The following OR4M1 variants were observed in gnomAD, a reference collection of about 807,000 sequenced individuals.
OR4M1 encodes olfactory receptor family 4 subfamily M member 1, also known as olfactory receptor 4M1.
A neutral mutation model predicts 9.8 loss-of-function variants in OR4M1; 7 were observed. The observed-to-expected ratio is 0.71, with a 90% CI of 0.41 to 1.34. OR4M1 has a LOEUF of 1.34. OR4M1 is among the 40% of genes most tolerant of loss of function. The probability of loss-of-function intolerance (pLI) is 0.01; values close to 1 mark genes in which losing one functional copy is unlikely to be tolerated. For synonymous variants in OR4M1, 121 were observed against 139.8 expected (o/e 0.87, Z 0.95); for missense variants, 331 against 380.4 (o/e 0.87, Z 1.08).
rs58150334 is a variant in OR4M1, at chr14:19,777,049, T to TATATATATATATA, written c.-29-3245_-29-3244insATATATATATATA. Among the ~76,000 whole-genome samples, 39 of 115,692 alleles carry TATATATATATATA rather than the reference T, an allele frequency of 3.4e-4. 1 individual carries two copies. Among genetic ancestry groups the TATATATATATATA allele is most frequent in the Admixed American group, 5.0e-4 (5 of 10,054 alleles). 75.9% of individuals were successfully genotyped at this position (115,692 alleles called of 152,430 possible). A position where few individuals can be genotyped will look rare whatever the true frequency, so the allele number is the denominator to read the frequency against. On this transcript the variant is annotated intron_variant, in intron 1 of 1. Transcript: ENST00000641200. ...ATATATATATATATATATATATATA[T>TATATATATATATA]TGTTTGTTTGTTTTTCCTGTAATGT...
chr14:19,775,166 G>A (rs139805315), intron 1 of OR4M1, among the ~76,000 whole-genome samples: 98 of 152,206 alleles, frequency 6.4e-4, no homozygotes, highest in African/African-American at 2.1e-3. Context: ...GTTTTAACAC[G>A]GCAATTAACC....
chr14:19,777,250 T>C (rs1033214964), intron 1 of OR4M1, among the ~76,000 whole-genome samples: 1 of 144,370 alleles, frequency 6.9e-6, no homozygotes, highest in Non-Finnish European at 1.6e-5. Context: ...TTTGTTCTTA[T>C]GCTTCTACTA....
intron 1 of OR4M1, among the ~76,000 whole-genome samples, chr14:19,774,504 T>C (rs1878253609): frequency 6.6e-6 from 1 of 152,236 alleles, no homozygotes; most frequent in South Asian, 2.1e-4. Flanking sequence ...TTCTGTTATA[T>C]TTTGCAAAAT....
intron 1 of OR4M1, among the ~76,000 whole-genome samples, chr14:19,773,912 G>A (rs1326237799): frequency 2.0e-5 from 3 of 152,230 alleles, no homozygotes; most frequent in Non-Finnish European, 2.9e-5. Context: ...AATAAGCTCA[G>A]AGAAGGCTGT....
At chr14:19,775,744 A>G (rs1370909432) in intron 1 of OR4M1, among the ~76,000 whole-genome samples, 1 of 147,582 alleles carries the variant, frequency 6.8e-6, no homozygotes, top group African/African-American at 2.5e-5. Flanking sequence ...ATTAATGTAT[A>G]TTACTATATA....
chr14:19,780,531 A>G lies in OR4M1; in HGVS notation c.209A>G (p.Asp70Gly), dbSNP rs369070048. 6.6e-5 allele frequency: 107 copies of G among 1,614,148 alleles called. 1 individual carries two copies. In the South Asian group the frequency reaches 1.1e-3, roughly 16 times the overall value. ...YFLLANLALL[D>G]IWYSSITAPK... ...CTGTTGGCTAATCTGGCCCTCCTTG[A>G]TATTTGGTACTCTTCCATTACAGCC... Residue 70 changes from aspartate (D) to glycine (G), a missense_variant, in exon 2 of 2, where the codon GAT becomes GGT. By Grantham distance (94) the Asp-to-Gly change is moderately conservative. Transcript: ENST00000641200.
chr14:19,775,877 G>T (rs1249409820), intron 1 of OR4M1, among the ~76,000 whole-genome samples: 3 of 151,496 alleles, frequency 2.0e-5, no homozygotes, highest in Non-Finnish European at 2.9e-5. Flanking sequence ...ATAATATTGA[G>T]ATCAGCCCTT....
rs1377890237 is a variant in OR4M1, at chr14:19,780,803, G to A, written c.481G>A (p.Ala161Thr). ...GGFIHSIIQV[A>T]LIVRLPFCGP... ...CTTCATTCATTCTATAATACAGGTG[G>A]CTCTCATTGTTCGACTTCCTTTCTG... Residue 161 changes from alanine to threonine, a missense_variant, in exon 2 of 2, where the codon GCT becomes ACT. Physicochemically the swap from Ala to Thr is moderately conservative, Grantham distance 58. This residue lies in a region of OR4M1 where 209 missense variants were observed against 200.0 expected (regional missense o/e 1.04). Transcript: ENST00000641200. 3 of 1,614,216 alleles carry A rather than the reference G, an allele frequency of 1.9e-6. No homozygotes were observed. The highest frequency in any genetic ancestry group is 1.1e-5 in the South Asian group (1 of 91,082).
intron 1 of OR4M1, among the ~76,000 whole-genome samples, chr14:19,774,215 A>G (rs372604862): frequency 6.6e-6 from 1 of 152,390 alleles, no homozygotes; most frequent in African/African-American, 2.4e-5. Context: ...TGAAATATGT[A>G]TTTTAACAAA....
intron 1 of OR4M1, among the ~76,000 whole-genome samples, chr14:19,776,441 T>C (rs1878311338): frequency 1.3e-5 from 2 of 152,236 alleles, no homozygotes; most frequent in Non-Finnish European, 2.9e-5. Flanking sequence ...AGTCACCCTC[T>C]AGGTACTACG....
At position 19,780,490 on chromosome 14, in the gene OR4M1, T is replaced by A; in HGVS notation, c.168T>A (p.Thr56=). ...ICTIRLDPHL[T]SPMYFLLANL... is the part of the protein sequence containing the mutation. The stretch of plus-strand genomic sequence containing the variant: ...CCATCAGGCTAGACCCTCATCTGAC[T>A]TCTCCTATGTATTTCCTGTTGGCTA... Residue 56 remains threonine, a synonymous_variant, in exon 2 of 2, where the codon ACT becomes ACA. Transcript: ENST00000641200. The A allele has an allele frequency of 1.2e-6, 2 of 1,614,126 alleles. No individual in the cohort carries two copies. The highest frequency in any genetic ancestry group is 1.7e-6 in the Non-Finnish European group (2 of 1,180,008).
chr14:19,779,135 G>A (rs1406765960), intron 1 of OR4M1, among the ~76,000 whole-genome samples: 1 of 152,184 alleles, frequency 6.6e-6, no homozygotes, highest in Non-Finnish European at 1.5e-5. Flanking sequence ...AATTGAGTCA[G>A]TAGGTTCCAA....
chr14:19,777,992 C>A (rs1321083200), intron 1 of OR4M1, among the ~76,000 whole-genome samples: 2 of 152,152 alleles, frequency 1.3e-5, no homozygotes, highest in East Asian at 3.9e-4. Context: ...CAAAATATTT[C>A]TTTTCCACTT....
chr14:19,779,375 GT>G (rs1258928496), intron 1 of OR4M1, among the ~76,000 whole-genome samples: 1 of 152,184 alleles, frequency 6.6e-6, no homozygotes, highest in African/African-American at 2.4e-5. Flanking sequence ...TGGTGTGGCA[GT>G]TTTTAACCTT....
intron 1 of OR4M1, among the ~76,000 whole-genome samples, chr14:19,773,941 A>G (rs955762201): frequency 6.6e-6 from 1 of 152,252 alleles, no homozygotes; most frequent in African/African-American, 2.4e-5. Flanking sequence ...ATGGGTCTTC[A>G]GAGCATGACA....
At chr14:19,777,046 A>T (rs1419410440) in intron 1 of OR4M1, among the ~76,000 whole-genome samples, 1 of 121,514 alleles carries the variant, frequency 8.2e-6, no homozygotes, top group Non-Finnish European at 1.7e-5. Flanking sequence ...ATATATATAT[A>T]TATTGTTTGT....
chr14:19,781,381 T>C lies in OR4M1; in HGVS notation c.*117T>C. 9.9e-7 allele frequency: 1 copy of C among 1,014,284 alleles called. No homozygotes were observed. Among genetic ancestry groups the C allele is most frequent in the Non-Finnish European group, 1.4e-6 (1 of 711,458 alleles). The allele number at this position is 1,014,284 out of a possible 1,614,324, so 62.8% of individuals were successfully genotyped here. A position where few individuals can be genotyped will look rare whatever the true frequency, so the allele number is the denominator to read the frequency against. On this transcript the variant is annotated 3_prime_UTR_variant, in exon 2 of 2. Coordinates refer to ENST00000641200, the MANE Select transcript of OR4M1 (RefSeq NM_001005500.2). The stretch of plus-strand genomic sequence containing the variant: ...TTCATTTGTGTTCTTAAAATTTTAC[T>C]ATAATTTTTCTCTATTAATTCCTCT...
rs1022454041 is a variant in OR4M1, at chr14:19,781,165, C to G, written c.843C>G (p.Phe281Leu). 4 of 1,614,060 alleles carry G rather than the reference C, an allele frequency of 2.5e-6. No homozygotes were observed. In the Admixed American group the frequency reaches 5.0e-5, roughly 20 times the overall value. The change falls in exon 2 of 2, where the codon TTC (phenylalanine) becomes TTG (leucine). Residue 281 changes from phenylalanine to leucine, a missense_variant. By Grantham distance (22) the Phe-to-Leu change is conservative. Coordinates refer to ENST00000641200, the MANE Select transcript of OR4M1 (RefSeq NM_001005500.2). ...KVVSVFHTVI[F>L]PLLNPIIYTL... ...TGTCTGTGTTTCATACTGTAATATT[C>G]CCTTTACTTAATCCCATTATTTACA...
chr14:19,781,191 C>T lies in OR4M1; in HGVS notation c.869C>T (p.Thr290Ile). 6.2e-7 allele frequency: 1 copy of T among 1,614,108 alleles called. No individual in the cohort carries two copies. Among genetic ancestry groups the T allele is most frequent in the African/African-American group, 1.3e-5 (1 of 75,050 alleles). Residue 290 changes from threonine to isoleucine, a missense_variant, in exon 2 of 2, where the codon ACA becomes ATA. This residue lies in a region of OR4M1 where 122 missense variants were observed against 180.5 expected (regional missense o/e 0.68). Coordinates refer to ENST00000641200, the MANE Select transcript of OR4M1 (RefSeq NM_001005500.2). ...IFPLLNPIIY[T>I]LRNKEVKAAM... ...CCTTTACTTAATCCCATTATTTACA[C>T]ATTGAGAAACAAGGAAGTAAAGGCA...
Sources: gnomAD v4.1 joint callset for allele counts (sites outside exome capture counted in the v4.1 genomes callset) on GRCh38, gnomAD v4.1.1 for gene constraint, gnomAD v4.1.1 regional missense constraint, MANE v1.5 for transcripts, NCBI Gene and HGNC (gene_info 2026-07-23, HGNC 2026-07-21) for gene names.